MAF: variants seen among roughly 807,000 people sequenced by gnomAD.
The protein encoded by MAF is MAF bZIP transcription factor, also known as transcription factor Maf.
MAF carries 10 observed loss-of-function variants against 22.0 expected under a neutral mutation model. The ratio of observed to expected loss-of-function variants is 0.45; its 90% CI spans 0.28 to 0.77. The LOEUF is 0.77. Among genes scored for constraint, MAF ranks in the 30% least tolerant of loss-of-function variants. MAF has a pLI of 0.12. For synonymous variants in MAF, 337 were observed against 255.8 expected, an observed-to-expected ratio of 1.32 and a Z score of -3.03; for missense variants, 544 against 548.4, an observed-to-expected ratio of 0.99 and a Z score of 0.08.
the MAF span, among the ~76,000 whole-genome samples, chr16:79,386,643 T>A: frequency 6.6e-6 from 1 of 152,102 alleles, no homozygotes; most frequent in Admixed American, 6.5e-5. Flanking sequence ...ATTTATAATA[T>A]CTAAGGTATG....
At chr16:79,422,954 G>A in the MAF span, among the ~76,000 whole-genome samples, 1 of 152,240 alleles carries the variant, frequency 6.6e-6, no homozygotes, top group East Asian at 1.9e-4. Flanking sequence ...GACAGGTGGA[G>A]TGACAAAGTG....
At chr16:79,301,464 T>C in the MAF span, among the ~76,000 whole-genome samples, 1 of 152,210 alleles carries the variant, frequency 6.6e-6, no homozygotes, top group East Asian at 1.9e-4. Flanking sequence ...ATGACAAAGC[T>C]GGAGGAGGCC....
the MAF span, among the ~76,000 whole-genome samples, chr16:79,434,805 T>A: frequency 2.6e-5 from 4 of 152,148 alleles, no homozygotes; most frequent in Non-Finnish European, 5.9e-5. Flanking sequence ...AAGAGTAGAA[T>A]ATCCACAAAG....
chr16:79,207,568 T>G, the MAF span, among the ~76,000 whole-genome samples: 1 of 152,254 alleles, frequency 6.6e-6, no homozygotes, highest in East Asian at 1.9e-4. Flanking sequence ...ACATCTACTC[T>G]CTCACAATCA....
At chr16:79,550,046 C>G in the MAF span, among the ~76,000 whole-genome samples, 1 of 152,188 alleles carries the variant, frequency 6.6e-6, no homozygotes, top group Admixed American at 6.5e-5. Context: ...TTACTTCCAT[C>G]TCTGTATTCC....
At chr16:79,381,938 C>A in the MAF span, among the ~76,000 whole-genome samples, 1 of 152,150 alleles carries the variant, frequency 6.6e-6, no homozygotes, top group Non-Finnish European at 1.5e-5. Flanking sequence ...CCACATCTGG[C>A]TCAACAGCCC....
At chr16:79,221,928 A>G in the MAF span, among the ~76,000 whole-genome samples, 1 of 152,084 alleles carries the variant, frequency 6.6e-6, no homozygotes, top group Non-Finnish European at 1.5e-5. Flanking sequence ...ATTTTTTTTC[A>G]TTAGCTATTT....
At chr16:79,372,436 C>G in the MAF span, among the ~76,000 whole-genome samples, 1 of 152,158 alleles carries the variant, frequency 6.6e-6, no homozygotes, top group South Asian at 2.1e-4. Flanking sequence ...CAGAGACCAG[C>G]TCGACAAAAG....
chr16:79,384,301 T>A, the MAF span, among the ~76,000 whole-genome samples: 1 of 151,858 alleles, frequency 6.6e-6, no homozygotes, highest in Non-Finnish European at 1.5e-5. Context: ...ACAAATTAGC[T>A]AGGTGTGGTG....
the MAF span, among the ~76,000 whole-genome samples, chr16:79,299,890 C>G: frequency 6.6e-6 from 1 of 152,222 alleles, no homozygotes; most frequent in African/African-American, 2.4e-5. Context: ...CCAGAGCCAT[C>G]TCTTTCACCC....
chr16:79,300,728 T>A, the MAF span, among the ~76,000 whole-genome samples: 1 of 151,824 alleles, frequency 6.6e-6, no homozygotes, highest in African/African-American at 2.4e-5. Context: ...CAAAAAAAAT[T>A]CATTTAATTT....
the MAF span, among the ~76,000 whole-genome samples, chr16:79,525,067 T>C: frequency 6.6e-6 from 1 of 152,192 alleles, no homozygotes; most frequent in Admixed American, 6.5e-5. Flanking sequence ...AAATATGCCA[T>C]TAGTGGCCAC....
At chr16:79,582,106 A>G (rs2143667983), downstream of MAF, among the ~76,000 whole-genome samples, 1 of 152,312 alleles carries the variant, frequency 6.6e-6, no homozygotes, top group Non-Finnish European at 1.5e-5. Flanking sequence ...CAAACCCACA[A>G]AACTCAACCC....
the MAF span, among the ~76,000 whole-genome samples, chr16:79,372,893 C>T: frequency 6.6e-6 from 1 of 152,194 alleles, no homozygotes; most frequent in East Asian, 1.9e-4. Context: ...CTTCAGCCTG[C>T]ACTTGCCTCT....
chr16:79,237,962 A>G, the MAF span, among the ~76,000 whole-genome samples: 1 of 152,090 alleles, frequency 6.6e-6, no homozygotes, highest in Non-Finnish European at 1.5e-5. Context: ...AACTCGTCTT[A>G]GACGGGAATC....
At chr16:79,557,023 G>C in the MAF span, among the ~76,000 whole-genome samples, 1 of 150,232 alleles carries the variant, frequency 6.7e-6, no homozygotes, top group African/African-American at 2.5e-5. Context: ...TTGCTATGTT[G>C]CCCAGGCTAC....
chr16:79,485,041 C>A, the MAF span, among the ~76,000 whole-genome samples: 2 of 152,116 alleles, frequency 1.3e-5, no homozygotes, highest in South Asian at 4.1e-4. Context: ...GCTTCTTGGC[C>A]TGATTGCCTG....
chr16:79,467,111 T>C, the MAF span, among the ~76,000 whole-genome samples: 23 of 152,202 alleles, frequency 1.5e-4, no homozygotes, highest in Admixed American at 2.6e-4. Flanking sequence ...TGTCTTTCCA[T>C]TGGGCCCAGG....
At chr16:79,416,618 G>T in the MAF span, among the ~76,000 whole-genome samples, 2 of 152,180 alleles carry the variant, frequency 1.3e-5, no homozygotes, top group East Asian at 1.9e-4. Flanking sequence ...TTTTACAGAT[G>T]AAGAAATAGA....
Sources: allele counts gnomAD v4.1 joint callset (sites outside exome capture counted in the v4.1 genomes callset), GRCh38; gene constraint gnomAD v4.1.1; transcripts MANE v1.5; gene names NCBI Gene and HGNC (gene_info 2026-07-23, HGNC 2026-07-21).